Variants in ARMC9 observed in about 807,000 individuals in gnomAD.
ARMC9 encodes armadillo repeat containing 9.
ARMC9 carries 94 observed loss-of-function variants against 107.0 expected under a neutral mutation model. The ratio of observed to expected loss-of-function variants is 0.88; its 90% CI spans 0.74 to 1.04. The LOEUF is 1.04. ARMC9 is among the 50% of genes least tolerant of loss of function. The pLI, the probability that ARMC9 is intolerant of heterozygous loss-of-function variation, is 0.00. For synonymous variants in ARMC9, 380 were observed against 396.9 expected, an observed-to-expected ratio of 0.96 and a Z score of 0.51; for missense variants, 942 against 1,030.1, an observed-to-expected ratio of 0.91 and a Z score of 1.17.
At chr2:231,295,110 G>T (rs3795977) in intron 18 of ARMC9, 1 of 152,144 alleles carries the variant, frequency 6.6e-6, no homozygotes, top group Non-Finnish European at 1.5e-5. Flanking sequence ...CCTCAAGTAT[G>T]GCTTTAGTTC....
intron 19 of ARMC9, among the ~76,000 whole-genome samples, chr2:231,307,798 A>T (rs1237848729): frequency 6.6e-6 from 1 of 152,226 alleles, no homozygotes; most frequent in Non-Finnish European, 1.5e-5. Flanking sequence ...TCCCCTTGTT[A>T]TTCAGCCCAA....
intron 19 of ARMC9, among the ~76,000 whole-genome samples, chr2:231,316,619 C>T (rs373100014): frequency 4.2e-4 from 62 of 148,822 alleles, no homozygotes; most frequent in African/African-American, 1.4e-3. Context: ...GAGCCGAGAT[C>T]ATACCACTGC....
chr2:231,266,494 GTGGT>G (rs1462034964), intron 12 of ARMC9, among the ~76,000 whole-genome samples: 2 of 152,136 alleles, frequency 1.3e-5, no homozygotes, highest in Non-Finnish European at 2.9e-5. Context: ...GTACAGTTCA[GTGGT>G]ATTAAACACA....
At chr2:231,292,206 G>T (rs1054324558) in intron 18 of ARMC9, among the ~76,000 whole-genome samples, 2 of 151,176 alleles carry the variant, frequency 1.3e-5, no homozygotes, top group Non-Finnish European at 2.9e-5. Context: ...GGTAGTCAAG[G>T]CCAGATTGTC....
chr2:231,217,066 A>G (rs2033589953), intron 5 of ARMC9, among the ~76,000 whole-genome samples: 1 of 152,308 alleles, frequency 6.6e-6, no homozygotes, highest in East Asian at 1.9e-4. Flanking sequence ...TAATAGCAAA[A>G]ACTAGGAACA....
Position 231,223,960 on chromosome 2 carries a change from CT to C in ARMC9, c.597+1143del, listed in dbSNP as rs1337224904. ...CTTGACTTATAATTATTTGAATACG[CT>C]TTAAAAAAGCATTTCTCAGCTTAAT... On this transcript the variant is annotated intron_variant, in intron 6 of 24. Transcript: ENST00000611582. 2.6e-5 allele frequency among the ~76,000 whole-genome samples: 4 copies of C among 152,014 alleles called. No homozygotes were observed. In the East Asian group the frequency reaches 7.7e-4, roughly 29 times the overall value.
intron 19 of ARMC9, among the ~76,000 whole-genome samples, chr2:231,302,932 A>G (rs761453498): frequency 1.5e-4 from 23 of 152,302 alleles, no homozygotes; most frequent in Middle Eastern, 3.4e-3. Flanking sequence ...TGAACCCGGG[A>G]TGCGGAGATT....
chr2:231,340,677 A>G (rs1323716709), intron 20 of ARMC9, among the ~76,000 whole-genome samples: 5 of 152,148 alleles, frequency 3.3e-5, no homozygotes, highest in South Asian at 2.1e-4. Context: ...ACCTGAGGTC[A>G]GGAGTTCGAG....
chr2:231,201,952 G>A (rs1011914108), intron 1 of ARMC9, among the ~76,000 whole-genome samples: 1 of 149,698 alleles, frequency 6.7e-6, no homozygotes, highest in East Asian at 2.0e-4. Flanking sequence ...CCTTCTCTTC[G>A]AACTGTCACC....
intron 7 of ARMC9, among the ~76,000 whole-genome samples, chr2:231,230,716 T>G (rs913902279): frequency 1.1e-4 from 17 of 152,234 alleles, no homozygotes; most frequent in Non-Finnish European, 2.2e-4. Context: ...TACACACATC[T>G]TCCCATATAC....
intron 20 of ARMC9, among the ~76,000 whole-genome samples, chr2:231,341,613 T>G (rs181985451): frequency 6.9e-5 from 10 of 145,688 alleles, no homozygotes; most frequent in African/African-American, 2.5e-4. Flanking sequence ...TACAGAGATA[T>G]AGATGATTGA....
At chr2:231,203,076 C>T (rs565045366) in intron 1 of ARMC9, among the ~76,000 whole-genome samples, 2 of 152,196 alleles carry the variant, frequency 1.3e-5, no homozygotes, top group Non-Finnish European at 2.9e-5. Context: ...TGACCTAACT[C>T]GGTCGGAAGT....
intron 12 of ARMC9, chr2:231,270,644 G>A (rs761447279): frequency 9.9e-6 from 5 of 506,252 alleles, no homozygotes; most frequent in South Asian, 7.7e-5. Context: ...CTTAGAGGGA[G>A]CCAAATTAGT....
At chr2:231,256,503 C>A in intron 9 of ARMC9, 83 bp from the exon 10 acceptor site, 1 of 1,522,848 alleles carries the variant, frequency 6.6e-7, no homozygotes. Flanking sequence ...TCTGTTGATT[C>A]CATGCTATTA....
intron 5 of ARMC9, among the ~76,000 whole-genome samples, chr2:231,220,755 GA>G (rs1009481266): frequency 1.3e-4 from 20 of 152,022 alleles, no homozygotes; most frequent in Non-Finnish European, 2.5e-4. Flanking sequence ...GAATGGTCAA[GA>G]AAAAAATAGG....
chr2:231,232,003 A>G (rs988377902), intron 7 of ARMC9, among the ~76,000 whole-genome samples: 1 of 147,706 alleles, frequency 6.8e-6, no homozygotes, highest in Non-Finnish European at 1.5e-5. Context: ...AACTGTAATA[A>G]TAGCACGAAT....
intron 17 of ARMC9, 86 bp downstream of exon 17, chr2:231,282,219 C>T (rs1184518378): frequency 7.3e-7 from 1 of 1,374,438 alleles, no homozygotes; most frequent in Non-Finnish European, 1.0e-6. Flanking sequence ...TGATTGGGCT[C>T]CATAGAAAGG....
At chr2:231,324,335 C>T (rs945420770) in intron 19 of ARMC9, among the ~76,000 whole-genome samples, 5 of 151,214 alleles carry the variant, frequency 3.3e-5, no homozygotes, top group East Asian at 2.0e-4. Flanking sequence ...ACCATATTGG[C>T]CAGGCTGGTC....
At chr2:231,275,683 G>A (rs957965355) in intron 14 of ARMC9, among the ~76,000 whole-genome samples, 1 of 152,210 alleles carries the variant, frequency 6.6e-6, no homozygotes, top group African/African-American at 2.4e-5. Flanking sequence ...GCTGGGCACG[G>A]TGGCTCACGC....
Sources: allele counts gnomAD v4.1 joint callset (sites outside exome capture counted in the v4.1 genomes callset), GRCh38; gene constraint gnomAD v4.1.1; transcripts MANE v1.5; gene names NCBI Gene and HGNC (gene_info 2026-07-23, HGNC 2026-07-21).